FOXN3: variants seen among roughly 807,000 people sequenced by gnomAD.
FOXN3 encodes forkhead box protein N3.
In FOXN3, 7 loss-of-function variants were observed where a neutral mutation model predicts 38.4. The ratio of observed to expected loss-of-function variants is 0.18; its 90% confidence interval spans 0.10 to 0.34. FOXN3 has a LOEUF of 0.34. Ranked by LOEUF, FOXN3 falls within the 10% of genes least tolerant of loss-of-function variation. The pLI, the probability that FOXN3 is intolerant of heterozygous loss-of-function variation, is 1.00. For synonymous variants in FOXN3, 230 were observed against 242.2 expected, an observed-to-expected ratio of 0.95 and a Z score of 0.47; for missense variants, 456 against 613.4, an observed-to-expected ratio of 0.74 and a Z score of 2.71.
intron 4 of FOXN3, among the ~76,000 whole-genome samples, chr14:89,198,402 C>A (rs1012555866): frequency 6.6e-6 from 1 of 152,092 alleles, no homozygotes. Context: ...GGAACCAATC[C>A]CCCATGGATA....
chr14:89,413,838 G>GGGAGA (rs943244524), intron 1 of FOXN3, among the ~76,000 whole-genome samples: 11 of 145,714 alleles, frequency 7.5e-5, no homozygotes, highest in Non-Finnish European at 1.7e-4. Context: ...GGGAAGGGAG[G>GGGAGA]GGAGAGGAGA....
intron 4 of FOXN3, among the ~76,000 whole-genome samples, chr14:89,217,876 C>T (rs1471783775): frequency 6.6e-6 from 1 of 152,222 alleles, no homozygotes; most frequent in African/African-American, 2.4e-5. Flanking sequence ...CCGGGCCTGG[C>T]TCGCTATGCT....
rs147293501 is a variant in FOXN3, at chr14:89,165,109, C to T, written c.852-2140G>A. 2.2e-4 allele frequency among the ~76,000 whole-genome samples: 33 copies of T among 152,276 alleles called. 1 individual carries two copies. Among genetic ancestry groups the T allele is most frequent in the African/African-American group, 7.2e-4 (30 of 41,556 alleles). On this transcript the variant is annotated intron_variant, in intron 5 of 5. Coordinates refer to ENST00000557258, the MANE Select transcript of FOXN3 (RefSeq NM_005197.4). Reference sequence around the variant, plus strand: ...CACTTACAATGTGTGCATTTGTACACGGAAGTCCCAGTGAGACCCAGAAGG... The same window carrying T: ...CACTTACAATGTGTGCATTTGTACATGGAAGTCCCAGTGAGACCCAGAAGG...
intron 4 of FOXN3, among the ~76,000 whole-genome samples, chr14:89,218,275 G>A (rs1487819437): frequency 2.0e-5 from 3 of 152,180 alleles, no homozygotes; most frequent in Non-Finnish European, 2.9e-5. Context: ...GATCGGACAA[G>A]TCAATGGAGC....
chr14:89,374,012 T>C (rs1376968148), intron 2 of FOXN3, among the ~76,000 whole-genome samples: 1 of 151,906 alleles, frequency 6.6e-6, no homozygotes, highest in Non-Finnish European at 1.5e-5. Flanking sequence ...ATGCCTGTAA[T>C]GCCAGCATTT....
At chr14:89,202,013 A>G (rs1303266742) in intron 4 of FOXN3, among the ~76,000 whole-genome samples, 1 of 152,216 alleles carries the variant, frequency 6.6e-6, no homozygotes, top group Non-Finnish European at 1.5e-5. Context: ...ATAATCTTTT[A>G]CAGAAGGAAA....
chr14:89,181,175 C>T (rs1335167062), intron 4 of FOXN3, among the ~76,000 whole-genome samples: 6 of 151,806 alleles, frequency 4.0e-5, no homozygotes, highest in Non-Finnish European at 8.8e-5. Context: ...ACTAGTAGCT[C>T]GCAACCAAAG....
At chr14:89,360,780 A>T (rs200865001) in intron 2 of FOXN3, among the ~76,000 whole-genome samples, 1 of 90,280 alleles carries the variant, frequency 1.1e-5, no homozygotes. Context: ...CACCTCCACC[A>T]CCACCTCCAC....
At chr14:89,423,673 A>G (rs1032438750) in intron 1 of FOXN3, among the ~76,000 whole-genome samples, 1 of 152,240 alleles carries the variant, frequency 6.6e-6, no homozygotes, top group African/African-American at 2.4e-5. Context: ...AACTGTAAAA[A>G]TCAAAGAAAT....
intron 4 of FOXN3, chr14:89,190,464 C>A (rs764423440): frequency 3.1e-6 from 5 of 1,609,268 alleles, no homozygotes; most frequent in Middle Eastern, 1.6e-4. Context: ...AAAAATCAAC[C>A]AATAAATAAC....
chr14:89,208,281 C>G lies in FOXN3; in HGVS notation c.746-27475G>C, dbSNP rs1449935846. On this transcript the variant is annotated intron_variant, in intron 4 of 5. Transcript: ENST00000557258. ...ATGGGCAGCCAGGGTCCCTTTGCAA[C>G]TTCTGAGGTCAGGCATCCGCGCTTA... 2.0e-5 allele frequency among the ~76,000 whole-genome samples: 3 copies of G among 152,312 alleles called. No homozygotes were observed. The East Asian group carries it at 5.8e-4, about 29-fold the overall frequency.
At chr14:89,542,692 A>T (rs1441455259) in intron 1 of FOXN3, among the ~76,000 whole-genome samples, 1 of 152,214 alleles carries the variant, frequency 6.6e-6, no homozygotes, top group Non-Finnish European at 1.5e-5. Context: ...AAGTGTATTA[A>T]GGAGATTTAT....
At chr14:89,291,674 T>C in intron 3 of FOXN3, 1 of 419,016 alleles carries the variant, frequency 2.4e-6, no homozygotes, top group South Asian at 1.9e-5. Flanking sequence ...CTGTGGCCCT[T>C]ATTGTGTTGT....
chr14:89,215,199 A>AT (rs11442203), intron 4 of FOXN3, among the ~76,000 whole-genome samples: 141,264 of 145,964 alleles, frequency 0.97, 68,464 homozygotes, highest in East Asian at 1. Flanking sequence ...AAGGAACCCA[A>AT]TTTTTTTTTT....
At chr14:89,529,576 C>A (rs1257411922) in intron 1 of FOXN3, among the ~76,000 whole-genome samples, 3 of 152,082 alleles carry the variant, frequency 2.0e-5, no homozygotes, top group Non-Finnish European at 4.4e-5. Flanking sequence ...GGAAGCAGTG[C>A]CTAAGAATTT....
chr14:89,374,512 A>G lies in FOXN3; in HGVS notation c.544-23704T>C, dbSNP rs143079359. Among the ~76,000 whole-genome samples, 23 of 152,290 alleles carry G rather than the reference A, an allele frequency of 1.5e-4. 1 individual carries two copies. In the East Asian group the frequency reaches 4.4e-3, roughly 29 times the overall value. The stretch of plus-strand genomic sequence containing the variant: ...GCTTTATTCATAACATCCAAAAACT[A>G]GAAATAATACAAAACCCATCAGAGG... On this transcript the variant is annotated intron_variant, in intron 2 of 5. Transcript: ENST00000557258.
At chr14:89,219,631 A>C (rs531675325) in intron 4 of FOXN3, among the ~76,000 whole-genome samples, 1 of 152,340 alleles carries the variant, frequency 6.6e-6, no homozygotes, top group South Asian at 2.1e-4. Context: ...TGGAAGTACA[A>C]CTTGGGGCAA....
chr14:89,510,977 C>G (rs1566680670), intron 1 of FOXN3, among the ~76,000 whole-genome samples: 1 of 151,828 alleles, frequency 6.6e-6, no homozygotes, highest in Non-Finnish European at 1.5e-5. Context: ...TTCATCACCC[C>G]CTGCCTTTTC....
rs1302698076 is a variant in FOXN3, at chr14:89,280,000, A to T, written c.745+950T>A. Among the ~76,000 whole-genome samples the T allele has an allele frequency of 1.3e-5, 2 of 152,140 alleles. 1 individual carries two copies. Among genetic ancestry groups the T allele is most frequent in the East Asian group, 3.9e-4 (2 of 5,190 alleles). On this transcript the variant is annotated intron_variant, in intron 4 of 5. Coordinates refer to ENST00000557258, the MANE Select transcript of FOXN3 (RefSeq NM_005197.4). ...AAGGGAAAGAGGCTAAACAGCTCTCAACCAATCAATAGACACTAAAATCCC... is the reference window on the plus strand; with the variant it reads ...AAGGGAAAGAGGCTAAACAGCTCTCTACCAATCAATAGACACTAAAATCCC...
Sources: gnomAD v4.1 joint callset for allele counts (sites outside exome capture counted in the v4.1 genomes callset) on GRCh38, gnomAD v4.1.1 for gene constraint, MANE v1.5 for transcripts, NCBI Gene and HGNC (gene_info 2026-07-23, HGNC 2026-07-21) for gene names.